Variants in HS6ST3 observed in about 807,000 individuals in gnomAD.
The protein encoded by HS6ST3 is heparan-sulfate 6-O-sulfotransferase 3.
In HS6ST3, 12 loss-of-function variants were observed where a neutral mutation model predicts 36.7. That is an observed-to-expected ratio of 0.33 (90% CI 0.21 to 0.53). The LOEUF (loss-of-function observed/expected upper bound fraction) is 0.53, where lower values mean the gene tolerates loss of function less well. Among genes scored for constraint, HS6ST3 ranks in the 20% least tolerant of loss-of-function variants. HS6ST3 has a pLI of 0.95. For missense variants in HS6ST3, 584 were observed against 640.9 expected, an observed-to-expected ratio of 0.91 and a Z score of 0.96; for synonymous variants, 240 against 257.5, an observed-to-expected ratio of 0.93 and a Z score of 0.65.
At chr13:96,273,724 A>G (rs1225115404) in intron 1 of HS6ST3, among the ~76,000 whole-genome samples, 4 of 152,280 alleles carry the variant, frequency 2.6e-5, no homozygotes, top group East Asian at 3.9e-4. Flanking sequence ...CAGAAACTCA[A>G]CTGAAATTAG....
intron 1 of HS6ST3, among the ~76,000 whole-genome samples, chr13:96,324,612 C>G (rs1377554743): frequency 2.6e-5 from 4 of 152,172 alleles, no homozygotes; most frequent in Admixed American, 6.5e-5. Flanking sequence ...GAAATAGGGT[C>G]TTTGTAGATG....
At chr13:96,734,587 T>C (rs892155992) in intron 1 of HS6ST3, among the ~76,000 whole-genome samples, 1 of 152,210 alleles carries the variant, frequency 6.6e-6, no homozygotes, top group Non-Finnish European at 1.5e-5. Context: ...CAGAAATAGA[T>C]TAAATATACA....
At chr13:96,446,490 C>T (rs753842589) in intron 1 of HS6ST3, among the ~76,000 whole-genome samples, 1 of 152,152 alleles carries the variant, frequency 6.6e-6, no homozygotes, top group Non-Finnish European at 1.5e-5. Context: ...TATTTTTCCC[C>T]TCTCACAATG....
intron 1 of HS6ST3, among the ~76,000 whole-genome samples, chr13:96,789,295 G>T (rs2138519102): frequency 6.6e-6 from 1 of 151,682 alleles, no homozygotes; most frequent in East Asian, 1.9e-4. Flanking sequence ...TATCAATATA[G>T]AGGTCCTTTG....
At chr13:96,136,585 C>G (rs922538237) in intron 1 of HS6ST3, among the ~76,000 whole-genome samples, 1 of 151,680 alleles carries the variant, frequency 6.6e-6, no homozygotes, top group Admixed American at 6.6e-5. Context: ...CACCAGGCCC[C>G]ATCTCCAACA....
At chr13:96,118,594 A>C (rs1055681166) in intron 1 of HS6ST3, among the ~76,000 whole-genome samples, 1 of 147,466 alleles carries the variant, frequency 6.8e-6, no homozygotes, top group Admixed American at 6.8e-5. Context: ...GAAAGGAGAG[A>C]TAGGAAAAAT....
chr13:96,242,580 C>T (rs2054566042), intron 1 of HS6ST3, among the ~76,000 whole-genome samples: 1 of 151,306 alleles, frequency 6.6e-6, no homozygotes, highest in Admixed American at 6.6e-5. Flanking sequence ...CTATGACTAG[C>T]CTATTTCGCT....
chr13:96,496,250 A>G (rs1471942671), intron 1 of HS6ST3, among the ~76,000 whole-genome samples: 1 of 152,060 alleles, frequency 6.6e-6, no homozygotes, highest in Non-Finnish European at 1.5e-5. Flanking sequence ...CTTCTTGGGG[A>G]TGGAGTGAGG....
intron 1 of HS6ST3, among the ~76,000 whole-genome samples, chr13:96,605,882 C>CAAAA (rs35530396): frequency 2.2e-5 from 2 of 92,308 alleles, no homozygotes; most frequent in Non-Finnish European, 5.1e-5. Context: ...AATTAACAAG[C>CAAAA]AAAAAAAAAA....
intron 1 of HS6ST3, among the ~76,000 whole-genome samples, chr13:96,575,572 T>C (rs182812410): frequency 1.5e-4 from 23 of 152,354 alleles, no homozygotes; most frequent in African/African-American, 5.0e-4. Context: ...TTTCAGTCCT[T>C]TCAGGACTTT....
At chr13:96,452,214 A>G (rs1566365250) in intron 1 of HS6ST3, among the ~76,000 whole-genome samples, 1 of 152,182 alleles carries the variant, frequency 6.6e-6, no homozygotes, top group African/African-American at 2.4e-5. Context: ...CAGCACATCT[A>G]TATGGTAAAC....
At chr13:96,503,293 T>A (rs1371418362) in intron 1 of HS6ST3, among the ~76,000 whole-genome samples, 65 of 152,154 alleles carry the variant, frequency 4.3e-4, no homozygotes, top group Admixed American at 4.1e-3. Flanking sequence ...TAAATCAACA[T>A]CTGTTGAGAA....
intron 1 of HS6ST3, among the ~76,000 whole-genome samples, chr13:96,590,238 T>A (rs2056377512): frequency 1.3e-5 from 2 of 152,138 alleles, no homozygotes; most frequent in East Asian, 3.8e-4. Flanking sequence ...GTAGCTCTAT[T>A]TTTAGTTTTT....
chr13:96,306,379 T>C (rs1312642288), intron 1 of HS6ST3, among the ~76,000 whole-genome samples: 1 of 152,050 alleles, frequency 6.6e-6, no homozygotes, highest in Non-Finnish European at 1.5e-5. Flanking sequence ...GCCCAGCTAA[T>C]TTTTATATTT....
intron 1 of HS6ST3, among the ~76,000 whole-genome samples, chr13:96,514,660 C>T (rs1301380005): frequency 6.6e-6 from 1 of 152,200 alleles, no homozygotes; most frequent in Non-Finnish European, 1.5e-5. Flanking sequence ...TTGCTGGCAC[C>T]TCCATCTTGG....
intron 1 of HS6ST3, among the ~76,000 whole-genome samples, chr13:96,300,127 G>T (rs938556874): frequency 1.4e-5 from 2 of 147,292 alleles, no homozygotes; most frequent in Non-Finnish European, 3.0e-5. Flanking sequence ...TGTGATCTGG[G>T]CTTACTGCAA....
chr13:96,466,483 G>A (rs533147630), intron 1 of HS6ST3, among the ~76,000 whole-genome samples: 19 of 151,952 alleles, frequency 1.3e-4, no homozygotes, highest in Non-Finnish European at 2.8e-4. Flanking sequence ...CTGCTTCTAC[G>A]AGTTTGACTC....
chr13:96,228,607 A>T (rs2139366329), intron 1 of HS6ST3, among the ~76,000 whole-genome samples: 1 of 152,276 alleles, frequency 6.6e-6, no homozygotes, highest in East Asian at 1.9e-4. Context: ...CCATCTAGAA[A>T]TATAAAAATG....
chr13:96,555,534 G>C (rs1286198274), intron 1 of HS6ST3, among the ~76,000 whole-genome samples: 1 of 152,116 alleles, frequency 6.6e-6, no homozygotes, highest in Non-Finnish European at 1.5e-5. Flanking sequence ...GCTCACTAAG[G>C]CTTAATGATG....
Sources: gnomAD v4.1 joint callset for allele counts (sites outside exome capture counted in the v4.1 genomes callset) on GRCh38, gnomAD v4.1.1 for gene constraint, MANE v1.5 for transcripts, NCBI Gene and HGNC (gene_info 2026-07-23, HGNC 2026-07-21) for gene names.